EPHA5: variants seen among roughly 807,000 people sequenced by gnomAD.
The protein encoded by EPHA5 is ephrin type-A receptor 5.
Under a neutral mutation model 105.0 loss-of-function variants are expected in EPHA5, and 60 were observed. That is an observed-to-expected ratio of 0.57 (90% confidence interval 0.46 to 0.71). The LOEUF is 0.71. Ranked by LOEUF, EPHA5 falls within the 30% of genes least tolerant of loss-of-function variation. The probability of loss-of-function intolerance (pLI) is 0.00; values close to 1 mark genes in which losing one functional copy is unlikely to be tolerated. For synonymous variants in EPHA5, 513 were observed against 449.1 expected (o/e 1.14, Z -1.80); for missense variants, 1,218 against 1,274.7 (o/e 0.96, Z 0.68).
intron 5 of EPHA5, among the ~76,000 whole-genome samples, chr4:65,471,707 C>G (rs1256989356): frequency 1.3e-5 from 2 of 152,158 alleles, no homozygotes; most frequent in African/African-American, 4.8e-5. Context: ...ACCAACATAT[C>G]TCATGATAGA....
intron 3 of EPHA5, among the ~76,000 whole-genome samples, chr4:65,592,624 G>T (rs191226587): frequency 4.5e-4 from 69 of 152,270 alleles, no homozygotes; most frequent in African/African-American, 1.6e-3. Context: ...CAACCTTCAA[G>T]AATCAAAATC....
At chr4:65,415,694 A>G (rs1293665614) in intron 6 of EPHA5, among the ~76,000 whole-genome samples, 1 of 151,986 alleles carries the variant, frequency 6.6e-6, no homozygotes, top group African/African-American at 2.4e-5. Context: ...TATATTTAGG[A>G]AATTTTATTA....
At chr4:65,367,287 G>A in intron 9 of EPHA5, 70 bp downstream of exon 9, 1 of 1,326,362 alleles carries the variant, frequency 7.5e-7, no homozygotes, top group Non-Finnish European at 1.1e-6. Context: ...CTTGTAGCCT[G>A]AAAAGAAACT....
At chr4:65,345,981 C>T (rs1722184789) in intron 14 of EPHA5, among the ~76,000 whole-genome samples, 1 of 151,780 alleles carries the variant, frequency 6.6e-6, no homozygotes, top group Non-Finnish European at 1.5e-5. Flanking sequence ...ACCGTATTAG[C>T]CAGGATGGTC....
chr4:65,458,069 A>T (rs1349298733), intron 5 of EPHA5, among the ~76,000 whole-genome samples: 5 of 65,458 alleles, frequency 7.6e-5, no homozygotes, highest in African/African-American at 3.1e-4. Flanking sequence ...GCGACACTCC[A>T]TCCCAAAAAA....
intron 2 of EPHA5, among the ~76,000 whole-genome samples, chr4:65,602,858 TC>T (rs1560759712): frequency 6.6e-6 from 1 of 152,046 alleles, no homozygotes; most frequent in Non-Finnish European, 1.5e-5. Context: ...TGAAAGAAAA[TC>T]CTTTAGTTTA....
At chr4:65,660,171 AT>A (rs35583208) in intron 1 of EPHA5, among the ~76,000 whole-genome samples, 1 of 152,124 alleles carries the variant, frequency 6.6e-6, no homozygotes, top group African/African-American at 2.4e-5. Flanking sequence ...TTGTGGCAAA[AT>A]TTTTTAAAAA....
At chr4:65,485,049 C>T (rs1340278312) in intron 5 of EPHA5, among the ~76,000 whole-genome samples, 1 of 151,590 alleles carries the variant, frequency 6.6e-6, no homozygotes, top group Non-Finnish European at 1.5e-5. Context: ...ATGAAATACT[C>T]ATTAGAAAAC....
chr4:65,655,602 T>C (rs1235268064), intron 1 of EPHA5, among the ~76,000 whole-genome samples: 2 of 152,162 alleles, frequency 1.3e-5, no homozygotes, highest in African/African-American at 4.8e-5. Context: ...AGTACACATC[T>C]CACTTTAAGT....
At chr4:65,351,004 ATG>A (rs1471365320) in intron 13 of EPHA5, among the ~76,000 whole-genome samples, 1 of 141,072 alleles carries the variant, frequency 7.1e-6, no homozygotes, top group East Asian at 2.2e-4. Context: ...ATTCATATAT[ATG>A]TGTGTATACA....
At chr4:65,602,934 T>A (rs1013472051) in intron 2 of EPHA5, among the ~76,000 whole-genome samples, 1 of 152,136 alleles carries the variant, frequency 6.6e-6, no homozygotes, top group Non-Finnish European at 1.5e-5. Flanking sequence ...ATTGGCTAGC[T>A]AAATATTAAT....
At chr4:65,447,621 C>A (rs543787105) in intron 5 of EPHA5, among the ~76,000 whole-genome samples, 1 of 151,942 alleles carries the variant, frequency 6.6e-6, no homozygotes, top group East Asian at 1.9e-4. Flanking sequence ...AACATTAAAT[C>A]AACAATATGC....
At chr4:65,404,128 G>C (rs745547983) in intron 8 of EPHA5, among the ~76,000 whole-genome samples, 1 of 151,964 alleles carries the variant, frequency 6.6e-6, no homozygotes, top group African/African-American at 2.4e-5. Flanking sequence ...TATATTAACC[G>C]AATAAACAAT....
chr4:65,632,765 A>T (rs550270007), intron 2 of EPHA5, among the ~76,000 whole-genome samples: 7 of 152,190 alleles, frequency 4.6e-5, no homozygotes, highest in Non-Finnish European at 1.0e-4. Context: ...TGTGTTCAAT[A>T]TACAATAATT....
At chr4:65,488,012 G>A (rs1291087375) in intron 5 of EPHA5, among the ~76,000 whole-genome samples, 1 of 152,134 alleles carries the variant, frequency 6.6e-6, no homozygotes, top group Non-Finnish European at 1.5e-5. Flanking sequence ...GGGTAGGTTT[G>A]CAAAATGTTA....
intron 7 of EPHA5, among the ~76,000 whole-genome samples, chr4:65,408,934 C>A (rs566277251): frequency 6.6e-6 from 1 of 151,930 alleles, no homozygotes; most frequent in South Asian, 2.1e-4. Context: ...AGACTTGAAC[C>A]AACCCAAATG....
At position 65,348,073 on chromosome 4, in the gene EPHA5, C is replaced by T. The variant is rs1553896465; in HGVS notation, c.2576G>A (p.Trp859Ter). The T allele has an allele frequency of 6.2e-7, 1 of 1,607,862 alleles. No homozygotes were observed. ...ACTCACATCTTGATTGGTCATCTCCCAGTAGGGTCTCTCTCCATAAGACAC... is the reference window on the plus strand; with the variant it reads ...ACTCACATCTTGATTGGTCATCTCCTAGTAGGGTCTCTCTCCATAAGACAC... Reference protein sequence around the residue: ...EVVSYGERPYWEMTNQDVIKA... With the variant: ...EVVSYGERPY Residue 859 changes from tryptophan to a stop codon, truncating the protein, a stop_gained, in exon 14 of 17, where the codon TGG becomes TAG. Coordinates refer to ENST00000613740, the MANE Select transcript of EPHA5 (RefSeq NM_001281766.3). LOFTEE classifies it high-confidence loss of function.
At chr4:65,570,433 G>GTTTT (rs76276250) in intron 3 of EPHA5, among the ~76,000 whole-genome samples, 2 of 147,032 alleles carry the variant, frequency 1.4e-5, no homozygotes, top group Non-Finnish European at 1.5e-5. Context: ...GATGGCCTTG[G>GTTTT]TTTTTTTTTT....
At chr4:65,625,639 T>TA (rs905587789) in intron 2 of EPHA5, among the ~76,000 whole-genome samples, 10 of 152,266 alleles carry the variant, frequency 6.6e-5, no homozygotes, top group African/African-American at 2.4e-4. Context: ...AAAAATGAAC[T>TA]AAAAAATCTC....
Sources: allele counts gnomAD v4.1 joint callset (sites outside exome capture counted in the v4.1 genomes callset), GRCh38; gene constraint gnomAD v4.1.1; transcripts MANE v1.5; gene names NCBI Gene and HGNC (gene_info 2026-07-23, HGNC 2026-07-21).